Variants in CCR3 observed in about 807,000 individuals in gnomAD.
CCR3 encodes C-C chemokine receptor type 3.
For missense variants in CCR3, 419 were observed against 437.5 expected (o/e 0.96, Z 0.38); for synonymous variants, 203 against 179.2 (o/e 1.13, Z -1.06).
chr3:46,264,575 G>A, intron 1 of CCR3: 1 of 647,644 alleles, frequency 1.5e-6, no homozygotes, highest in South Asian at 1.8e-5. Flanking sequence ...TTACTTGTTA[G>A]AGGATTTTGA....
intron 2 of CCR3, among the ~76,000 whole-genome samples, chr3:46,227,245 A>C (rs1167206736): frequency 2.6e-5 from 4 of 152,122 alleles, no homozygotes; most frequent in Admixed American, 1.3e-4. Flanking sequence ...TCAACAAACT[A>C]GTTTTTCTGA....
In CCR3 at chr3:46,265,384, C is replaced by A; in HGVS notation, c.226C>A (p.Leu76Met). 6.2e-7 allele frequency: 1 copy of A among 1,614,162 alleles called. No individual in the cohort carries two copies. Among genetic ancestry groups the A allele is most frequent in the Admixed American group, 1.7e-5 (1 of 60,032 alleles). The change falls in exon 2 of 2, where the codon CTG becomes ATG. Residue 76 changes from leucine to methionine, a missense_variant. Leu to Met is a conservative substitution (Grantham distance 15). Transcript: ENST00000395940. Reference protein sequence around the residue: ...RIMTNIYLLNLAISDLLFLVT... With the variant: ...RIMTNIYLLNMAISDLLFLVT... ...TATGACCAACATCTACCTGCTCAAC[C>A]TGGCCATTTCGGACCTGCTCTTCCT...
chr3:46,221,534 G>T (rs954084030), intron 2 of CCR3, among the ~76,000 whole-genome samples: 4 of 152,166 alleles, frequency 2.6e-5, no homozygotes, highest in African/African-American at 4.8e-5. Flanking sequence ...CCTGACCTTG[G>T]CTGGGCTATG....
chr3:46,232,082 T>A (rs989177285), intron 2 of CCR3, among the ~76,000 whole-genome samples: 3 of 152,262 alleles, frequency 2.0e-5, no homozygotes, highest in Admixed American at 6.5e-5. Context: ...AATTTCTAAA[T>A]CATTGTTCAA....
rs1225355136 is a variant in CCR3 at position 46,265,264 on chromosome 3, T to G, written c.106T>G (p.Phe36Val). The G allele has an allele frequency of 6.2e-7, 1 of 1,614,052 alleles. No homozygotes were observed. Among genetic ancestry groups the G allele is most frequent in the Non-Finnish European group, 8.5e-7 (1 of 1,179,984 alleles). The change falls in exon 2 of 2, where the codon TTT becomes GTT. Residue 36 changes from phenylalanine to valine, a missense_variant. By Grantham distance (50) the Phe-to-Val change is conservative. Coordinates refer to ENST00000395940, the MANE Select transcript of CCR3 (RefSeq NM_178329.3). ...KADTRALMAQFVPPLYSLVFT... is the reference protein window; with the variant it reads ...KADTRALMAQVVPPLYSLVFT... ...TGATACCAGAGCACTGATGGCCCAG[T>G]TTGTGCCCCCGCTGTACTCCCTGGT...
intron 2 of CCR3, among the ~76,000 whole-genome samples, chr3:46,230,943 T>C (rs2125925119): frequency 6.6e-6 from 1 of 152,290 alleles, no homozygotes; most frequent in East Asian, 1.9e-4. Context: ...GTTTGTGTTT[T>C]TGAAGGTGTC....
At chr3:46,222,889 CTCAG>C (rs1451201667) in intron 2 of CCR3, among the ~76,000 whole-genome samples, 2 of 152,194 alleles carry the variant, frequency 1.3e-5, no homozygotes, top group East Asian at 1.9e-4. Context: ...CATCCTATGC[CTCAG>C]TCAAACTGGT....
chr3:46,218,167 T>C (rs966895539), intron 2 of CCR3, among the ~76,000 whole-genome samples: 3 of 151,960 alleles, frequency 2.0e-5, no homozygotes, highest in Non-Finnish European at 2.9e-5. Context: ...ATGCAAAAGA[T>C]TATTCAAGGC....
At chr3:46,260,093 G>C (rs151250108) in intron 1 of CCR3, among the ~76,000 whole-genome samples, 2 of 152,242 alleles carry the variant, frequency 1.3e-5, no homozygotes, top group African/African-American at 4.8e-5. Context: ...AAAACCATCA[G>C]ATCCCGTGAG....
intron 1 of CCR3, among the ~76,000 whole-genome samples, chr3:46,243,012 C>G (rs960691886): frequency 3.1e-4 from 18 of 57,634 alleles, no homozygotes; most frequent in African/African-American, 2.1e-3. Context: ...TACGCACACA[C>G]ACATACATTT....
chr3:46,265,788 C>T lies in CCR3; in HGVS notation c.630C>T (p.Leu210=). ...TLRMTIFCLV[L]PLLVMAICYT... is the part of the protein sequence containing the mutation. ...GAATGACCATCTTCTGTCTCGTTCT[C>T]CCTCTGCTCGTTATGGCCATCTGCT... The change falls in exon 2 of 2, where the codon CTC becomes CTT. Residue 210 remains leucine, a synonymous_variant. Transcript: ENST00000395940. The T allele has an allele frequency of 6.2e-7, 1 of 1,613,926 alleles. No homozygotes were observed. Among genetic ancestry groups the T allele is most frequent in the African/African-American group, 1.3e-5 (1 of 75,040 alleles).
rs1319246322 is a variant in CCR3, at chr3:46,266,215, A to G, written c.1057A>G (p.Ile353Val). Residue 353 changes from isoleucine to valine, a missense_variant, in exon 2 of 2, where the codon ATT becomes GTT. Physicochemically the swap from Ile to Val is conservative, Grantham distance 29. Transcript: ENST00000395940. Reference sequence around the variant, plus strand: ...ATCCACAGCAGAGCCGGAACTCTCTATTGTGTTTTAGGTCAGATGCAGAAA... The same window carrying G: ...ATCCACAGCAGAGCCGGAACTCTCTGTTGTGTTTTAGGTCAGATGCAGAAA... ...SPSTAEPELS[I>V]VF 12 of 1,609,694 alleles carry G rather than the reference A, an allele frequency of 7.5e-6. No homozygotes were observed. The highest frequency in any genetic ancestry group is 1.7e-4 in the Middle Eastern group (1 of 6,050).
intron 2 of CCR3, among the ~76,000 whole-genome samples, chr3:46,214,082 G>A (rs973794766): frequency 1.3e-5 from 2 of 152,222 alleles, no homozygotes; most frequent in East Asian, 1.9e-4. Flanking sequence ...GATGATAGCT[G>A]TATCCAAAGC....
intron 2 of CCR3, among the ~76,000 whole-genome samples, chr3:46,235,927 A>G (rs1247878137): frequency 6.6e-6 from 1 of 152,226 alleles, no homozygotes; most frequent in Non-Finnish European, 1.5e-5. Context: ...GGGGCATTCC[A>G]GGACATTATT....
At chr3:46,216,577 T>C (rs184083720) in intron 2 of CCR3, among the ~76,000 whole-genome samples, 114 of 152,290 alleles carry the variant, frequency 7.5e-4, no homozygotes, top group African/African-American at 2.6e-3. Flanking sequence ...GGAAAGACTC[T>C]TAAGAGCTGT....
chr3:46,252,715 G>A (rs1433783463), intron 1 of CCR3, among the ~76,000 whole-genome samples: 1 of 152,118 alleles, frequency 6.6e-6, no homozygotes, highest in Non-Finnish European at 1.5e-5. Context: ...GTGGAGAGGT[G>A]GATGGAGAGT....
At chr3:46,233,340 A>G (rs1256278889) in intron 2 of CCR3, among the ~76,000 whole-genome samples, 5 of 152,220 alleles carry the variant, frequency 3.3e-5, no homozygotes, top group Non-Finnish European at 5.9e-5. Flanking sequence ...AGGTGGGTGC[A>G]TTAAAGGAAG....
At chr3:46,260,031 A>G (rs1211886317) in intron 1 of CCR3, among the ~76,000 whole-genome samples, 1 of 152,216 alleles carries the variant, frequency 6.6e-6, no homozygotes, top group African/African-American at 2.4e-5. Flanking sequence ...GGCACATCTC[A>G]TATGGTGGCA....
intron 1 of CCR3, among the ~76,000 whole-genome samples, chr3:46,242,944 T>C (rs1700109939): frequency 6.9e-6 from 1 of 145,742 alleles, no homozygotes; most frequent in African/African-American, 2.5e-5. Context: ...AGCAAAAATA[T>C]AATTTTACAT....
Sources: allele counts gnomAD v4.1 joint callset (sites outside exome capture counted in the v4.1 genomes callset), GRCh38; gene constraint gnomAD v4.1.1; transcripts MANE v1.5; gene names NCBI Gene and HGNC (gene_info 2026-07-23, HGNC 2026-07-21).